NEK10: variants seen among roughly 807,000 people sequenced by gnomAD.
The protein encoded by NEK10 is NIMA related kinase 10.
NEK10 carries 122 observed loss-of-function variants against 159.8 expected under a neutral mutation model. The observed-to-expected ratio is 0.76, with a 90% CI of 0.66 to 0.89. The LOEUF is 0.89. NEK10 is among the 40% of genes least tolerant of loss of function. The probability of loss-of-function intolerance (pLI) is 0.00; values close to 1 mark genes in which losing one functional copy is unlikely to be tolerated. For synonymous variants in NEK10, 466 were observed against 457.1 expected (o/e 1.02, Z -0.25); for missense variants, 1,342 against 1,323.1 (o/e 1.01, Z -0.22).
At chr3:27,269,404 A>C (rs2041156962) in intron 22 of NEK10, among the ~76,000 whole-genome samples, 2 of 152,200 alleles carry the variant, frequency 1.3e-5, no homozygotes, top group Non-Finnish European at 2.9e-5. Context: ...AAATTGCCAC[A>C]GCCACACCAA....
At position 27,346,085 on chromosome 3, in the gene NEK10, C is replaced by T. The variant is rs768268598; in HGVS notation, c.263+1G>A. The T allele has an allele frequency of 4.3e-6, 7 of 1,613,434 alleles. No individual in the cohort carries two copies. Among genetic ancestry groups the T allele is most frequent in the South Asian group, 1.1e-5 (1 of 91,050 alleles). ...GACGAAGGAGATGCTGGATTTCTTA[C>T]CTAAAATTTTCAAGTTCAACAGCTT... is the stretch of plus-strand genomic sequence containing the variant. On this transcript the variant is annotated splice_donor_variant, in intron 4 of 35. Coordinates refer to ENST00000691995, the MANE Select transcript of NEK10 (RefSeq NM_001394966.1). LOFTEE classifies it high-confidence loss of function.
Position 27,154,636 on chromosome 3 carries a change from G to T in NEK10, c.2869+8065C>A, listed in dbSNP as rs1373424274. Reference sequence around the variant, plus strand: ...ATTTCATACCAGGGATACAGGGATGGTTTAAAATACACAAGTCAATAAATG... The same window carrying T: ...ATTTCATACCAGGGATACAGGGATGTTTTAAAATACACAAGTCAATAAATG... On this transcript the variant is annotated intron_variant, in intron 30 of 35. Transcript: ENST00000691995. Among the ~76,000 whole-genome samples the T allele has an allele frequency of 2.6e-5, 4 of 152,278 alleles. No homozygotes were observed. In the South Asian group the frequency reaches 8.3e-4, roughly 32 times the overall value.
intron 32 of NEK10, among the ~76,000 whole-genome samples, chr3:27,122,796 TTGTGACTTGGA>T (rs1197076568): frequency 6.6e-6 from 1 of 152,164 alleles, no homozygotes; most frequent in African/African-American, 2.4e-5. Context: ...ATTACATGAA[TTGTGACTTGGA>T]GAGGTCAAGA....
rs2046386411 is a variant in NEK10, at chr3:27,331,256, A to AC, written c.363-8996_363-8995insG. Among the ~76,000 whole-genome samples the AC allele has an allele frequency of 5.5e-5, 8 of 146,686 alleles. 1 individual carries two copies. The highest frequency in any genetic ancestry group is 1.1e-4 in the Non-Finnish European group (7 of 66,084). ...CTGTCTCAAAAAAAAAAAAACAAAA[A>AC]AAAAAAACACACAAACCTAAGACTT... On this transcript the variant is annotated intron_variant, in intron 5 of 35. Transcript: ENST00000691995.
In NEK10 at chr3:27,362,202, G is replaced by A. The variant is rs144296126; in HGVS notation, c.-38+7023C>T. Among the ~76,000 whole-genome samples, 240 of 152,278 alleles carry A rather than the reference G, an allele frequency of 1.6e-3. 3 individuals carry two copies. Among genetic ancestry groups the A allele is most frequent in the Admixed American group, 3.9e-3 (59 of 15,300 alleles). ...CAACGGGCCTGGCCAGTGAACACAG[G>A]GATGCAGGCAAGATGCTGAAAGTGG... On this transcript the variant is annotated intron_variant, in intron 1 of 35. Transcript: ENST00000691995.
intron 32 of NEK10, among the ~76,000 whole-genome samples, chr3:27,128,788 A>C (rs1414233262): frequency 6.6e-6 from 1 of 152,148 alleles, no homozygotes; most frequent in Non-Finnish European, 1.5e-5. Context: ...ATATACTCTC[A>C]GTAGTCCTTG....
At chr3:27,122,208 G>A (rs1941415858) in intron 32 of NEK10, among the ~76,000 whole-genome samples, 1 of 152,126 alleles carries the variant, frequency 6.6e-6, no homozygotes, top group African/African-American at 2.4e-5. Context: ...TTTTATAAGT[G>A]TCTGGCATTT....
intron 26 of NEK10, among the ~76,000 whole-genome samples, chr3:27,184,960 G>T (rs1948476770): frequency 6.6e-6 from 1 of 151,758 alleles, no homozygotes; most frequent in Admixed American, 6.6e-5. Flanking sequence ...TTTTTAATTT[G>T]CATTAAAAAA....
chr3:27,262,842 A>G (rs2149358255), intron 22 of NEK10, among the ~76,000 whole-genome samples: 1 of 152,292 alleles, frequency 6.6e-6, no homozygotes, highest in South Asian at 2.1e-4. Flanking sequence ...CGTCAAAGTC[A>G]TTCTCCATCC....
chr3:27,352,579 A>G, intron 2 of NEK10, 54 bp from the exon 3 acceptor site: 1 of 1,328,162 alleles, frequency 7.5e-7, no homozygotes. Context: ...GGTGAACAAG[A>G]TCGTGTTACC....
At chr3:27,365,634 A>G (rs1334886465) in intron 1 of NEK10, among the ~76,000 whole-genome samples, 1 of 57,718 alleles carries the variant, frequency 1.7e-5, no homozygotes, top group Non-Finnish European at 3.0e-5. Flanking sequence ...TTTTTTTGAG[A>G]TGGAGTCTTG....
intron 23 of NEK10, among the ~76,000 whole-genome samples, chr3:27,212,858 A>G (rs998893050): frequency 5.3e-5 from 8 of 152,202 alleles, no homozygotes; most frequent in African/African-American, 1.7e-4. Flanking sequence ...CCCTCAAACT[A>G]GAGTGTGAGA....
At chr3:27,350,856 G>T (rs542925231) in intron 3 of NEK10, among the ~76,000 whole-genome samples, 236 of 151,868 alleles carry the variant, frequency 1.6e-3, no homozygotes, top group African/African-American at 5.4e-3. Context: ...TTTGGTTTTG[G>T]TTTTTTTTGT....
At chr3:27,129,023 C>T (rs186790198) in intron 32 of NEK10, among the ~76,000 whole-genome samples, 3 of 152,178 alleles carry the variant, frequency 2.0e-5, no homozygotes, top group Admixed American at 6.6e-5. Context: ...ACTGATACTT[C>T]CAATTCCAAT....
intron 5 of NEK10, among the ~76,000 whole-genome samples, chr3:27,341,055 A>G (rs535326288): frequency 6.6e-6 from 1 of 152,342 alleles, no homozygotes; most frequent in East Asian, 1.9e-4. Context: ...AGCAACATGG[A>G]TGGAACTGGA....
At chr3:27,318,441 G>C (rs2045373270) in intron 6 of NEK10, among the ~76,000 whole-genome samples, 1 of 152,166 alleles carries the variant, frequency 6.6e-6, no homozygotes, top group African/African-American at 2.4e-5. Flanking sequence ...AAATTACTGA[G>C]AACCTCAAAG....
intron 35 of NEK10, among the ~76,000 whole-genome samples, chr3:27,113,794 A>G (rs560160829): frequency 1.3e-5 from 2 of 152,322 alleles, no homozygotes; most frequent in African/African-American, 4.8e-5. Flanking sequence ...AATATTTTTT[A>G]ATAAAGGGAA....
At chr3:27,130,637 C>A (rs1230264125) in intron 32 of NEK10, among the ~76,000 whole-genome samples, 1 of 152,044 alleles carries the variant, frequency 6.6e-6, no homozygotes, top group African/African-American at 2.4e-5. Context: ...ATGCTCAAAC[C>A]AGATTATTCT....
intron 5 of NEK10, among the ~76,000 whole-genome samples, chr3:27,343,171 T>C (rs1031584822): frequency 2.0e-5 from 3 of 152,184 alleles, no homozygotes; most frequent in African/African-American, 7.2e-5. Context: ...TCTGTATTGT[T>C]TTAAACAAAA....
Sources: allele counts gnomAD v4.1 joint callset (sites outside exome capture counted in the v4.1 genomes callset), GRCh38; gene constraint gnomAD v4.1.1; transcripts MANE v1.5; gene names NCBI Gene and HGNC (gene_info 2026-07-23, HGNC 2026-07-21).